Variants in DLGAP2 observed in about 807,000 individuals in gnomAD.
The protein encoded by DLGAP2 is DLG associated protein 2, also known as disks large-associated protein 2.
A neutral mutation model predicts 100.3 loss-of-function variants in DLGAP2; 26 were observed. The ratio of observed to expected loss-of-function variants is 0.26; its 90% CI spans 0.19 to 0.36. The LOEUF is 0.36. Ranked by LOEUF, DLGAP2 falls within the 10% of genes least tolerant of loss-of-function variation. The pLI, the probability that DLGAP2 is intolerant of heterozygous loss-of-function variation, is 1.00. For missense variants in DLGAP2, 1,858 were observed against 1,453.2 expected (o/e 1.28, Z -4.53); for synonymous variants, 886 against 630.1 (o/e 1.41, Z -6.08).
intron 1 of DLGAP2, among the ~76,000 whole-genome samples, chr8:794,694 T>C (rs1795989461): frequency 6.6e-6 from 1 of 152,226 alleles, no homozygotes; most frequent in South Asian, 2.1e-4. Context: ...ATTATGAATA[T>C]GTTACAGTGC....
chr8:1,373,942 C>T (rs1417146369), intron 3 of DLGAP2: 1 of 152,552 alleles, frequency 6.6e-6, no homozygotes, highest in Non-Finnish European at 1.5e-5. Flanking sequence ...AAAGTTATCC[C>T]AATTGAATAG....
chr8:1,108,183 T>C (rs1328057708), intron 2 of DLGAP2, among the ~76,000 whole-genome samples: 3 of 152,154 alleles, frequency 2.0e-5, no homozygotes, highest in Admixed American at 1.3e-4. Context: ...TGATGGGAAA[T>C]GAATTGGCTG....
intron 3 of DLGAP2, among the ~76,000 whole-genome samples, chr8:1,444,771 C>CT (rs914045708): frequency 0.057 from 4,589 of 79,834 alleles, 252 homozygotes; most frequent in African/African-American, 0.091. Context: ...CCAGGTCATT[C>CT]TTTTTTTTTT....
At chr8:1,059,177 G>T (rs1448988615) in intron 2 of DLGAP2, among the ~76,000 whole-genome samples, 1 of 151,998 alleles carries the variant, frequency 6.6e-6, no homozygotes, top group Admixed American at 6.5e-5. Flanking sequence ...GCTCTCTTTG[G>T]GCCCTGGATC....
intron 3 of DLGAP2, among the ~76,000 whole-genome samples, chr8:1,356,710 C>T (rs968961745): frequency 1.3e-5 from 2 of 152,092 alleles, no homozygotes; most frequent in African/African-American, 4.8e-5. Flanking sequence ...CACAATGTAA[C>T]CCTACAGTAA....
At chr8:1,624,424 G>C (rs917942969) in intron 6 of DLGAP2, among the ~76,000 whole-genome samples, 10 of 151,976 alleles carry the variant, frequency 6.6e-5, no homozygotes, top group African/African-American at 2.2e-4. Flanking sequence ...TTCGTCCGCT[G>C]CACATGACTC....
At chr8:1,146,357 C>T (rs377381844) in intron 2 of DLGAP2, among the ~76,000 whole-genome samples, 1 of 152,296 alleles carries the variant, frequency 6.6e-6, no homozygotes, top group South Asian at 2.1e-4. Context: ...GATATGAGGC[C>T]CTTTACAAAC....
In DLGAP2 at chr8:1,436,990, C is replaced by G. The variant is rs570240562; in HGVS notation, c.107-64376C>G. Among the ~76,000 whole-genome samples, 8 of 152,248 alleles carry G rather than the reference C, an allele frequency of 5.3e-5. No homozygotes were observed. In the East Asian group the frequency reaches 1.3e-3, roughly 26 times the overall value. On this transcript the variant is annotated intron_variant, in intron 3 of 14. Coordinates refer to ENST00000637795, the MANE Select transcript of DLGAP2 (RefSeq NM_001346810.2). ...CTGGGAGCAGGAGGCCTATGCCGTT[C>G]GGCCCAGGCGTGTAGGGGCGACGCC...
chr8:1,013,092 T>G (rs1801345020), intron 2 of DLGAP2, among the ~76,000 whole-genome samples: 1 of 152,196 alleles, frequency 6.6e-6, no homozygotes, highest in African/African-American at 2.4e-5. Flanking sequence ...GGCACCTATG[T>G]TCTTTGTGGT....
At chr8:1,328,392 C>T (rs935245324) in intron 3 of DLGAP2, among the ~76,000 whole-genome samples, 1 of 152,110 alleles carries the variant, frequency 6.6e-6, no homozygotes, top group Non-Finnish European at 1.5e-5. Flanking sequence ...AGTCTTGGCT[C>T]ACTGCAACCT....
intron 4 of DLGAP2, among the ~76,000 whole-genome samples, chr8:1,536,044 C>T (rs966936806): frequency 6.6e-6 from 1 of 152,262 alleles, no homozygotes; most frequent in South Asian, 2.1e-4. Context: ...GTAGCATTAG[C>T]CCCAGTTTCT....
At chr8:1,682,112 T>C (rs929653399) in intron 12 of DLGAP2, among the ~76,000 whole-genome samples, 1 of 152,210 alleles carries the variant, frequency 6.6e-6, no homozygotes, top group Non-Finnish European at 1.5e-5. Context: ...ACCTGCTGTT[T>C]CAGACAAGGG....
At chr8:1,346,816 C>T (rs1454983402) in intron 3 of DLGAP2, among the ~76,000 whole-genome samples, 9 of 83,106 alleles carry the variant, frequency 1.1e-4, no homozygotes, top group Non-Finnish European at 1.5e-4. Flanking sequence ...GTGGAGGTTG[C>T]GTTCCCATAC....
intron 3 of DLGAP2, among the ~76,000 whole-genome samples, chr8:1,441,516 C>T (rs1334881226): frequency 6.6e-6 from 1 of 151,736 alleles, no homozygotes; most frequent in Non-Finnish European, 1.5e-5. Flanking sequence ...GGTGAAACCC[C>T]GTCTCTACTA....
Position 845,101 on chromosome 8 carries a change from G to T in DLGAP2, c.19-62811G>T, listed in dbSNP as rs535408752. On this transcript the variant is annotated intron_variant, in intron 1 of 14. Coordinates refer to ENST00000637795, the MANE Select transcript of DLGAP2 (RefSeq NM_001346810.2). ...AGCTTTTGGGTTGTGTACACTGATT[G>T]TTGTGAATAATTCTGCTGTGCATAT... Among the ~76,000 whole-genome samples the T allele has an allele frequency of 9.9e-5, 15 of 152,276 alleles. 1 individual carries two copies. Among genetic ancestry groups the T allele is most frequent in the African/African-American group, 3.6e-4 (15 of 41,560 alleles).
rs1479701247 is a variant in DLGAP2 at position 933,372 on chromosome 8, C to G, written c.73+25406C>G. On this transcript the variant is annotated intron_variant, in intron 2 of 14. Transcript: ENST00000637795. ...CATGAGGGGAGGGTGAGGGCAGAGCCTGCTGTGCAGATACCTGGCTGTGGG... is the reference window on the plus strand; with the variant it reads ...CATGAGGGGAGGGTGAGGGCAGAGCGTGCTGTGCAGATACCTGGCTGTGGG... 3.3e-5 allele frequency among the ~76,000 whole-genome samples: 5 copies of G among 150,626 alleles called. No individual in the cohort carries two copies. The East Asian group carries it at 9.9e-4, about 30-fold the overall frequency.
chr8:1,102,318 AATAT>A (rs1165012965), intron 2 of DLGAP2, among the ~76,000 whole-genome samples: 2 of 147,510 alleles, frequency 1.4e-5, no homozygotes, highest in African/African-American at 4.9e-5. Flanking sequence ...ATTACATAAT[AATAT>A]ATATAAATTA....
intron 2 of DLGAP2, among the ~76,000 whole-genome samples, chr8:947,959 C>T (rs528451243): frequency 4.7e-5 from 7 of 149,022 alleles, no homozygotes; most frequent in South Asian, 2.2e-4. Flanking sequence ...CGTGCCAGCC[C>T]GCGTGCGCCA....
At chr8:1,168,651 A>G (rs1177849471) in intron 2 of DLGAP2, among the ~76,000 whole-genome samples, 1 of 146,508 alleles carries the variant, frequency 6.8e-6, no homozygotes, top group African/African-American at 2.6e-5. Context: ...GCATTTTTTC[A>G]TGTGTTTTTT....
Sources: gnomAD v4.1 joint callset for allele counts (sites outside exome capture counted in the v4.1 genomes callset) on GRCh38, gnomAD v4.1.1 for gene constraint, MANE v1.5 for transcripts, NCBI Gene and HGNC (gene_info 2026-07-23, HGNC 2026-07-21) for gene names.